The following FSTL5 variants were observed in gnomAD, a reference collection of about 807,000 sequenced individuals.
The protein encoded by FSTL5 is follistatin-related protein 5.
In FSTL5, 62 loss-of-function variants were observed where a neutral mutation model predicts 89.1. The ratio of observed to expected loss-of-function variants is 0.70; its 90% CI spans 0.57 to 0.86. The LOEUF is 0.86. Among genes scored for constraint, FSTL5 ranks in the 40% least tolerant of loss-of-function variants. The probability of loss-of-function intolerance (pLI) is 0.00; values close to 1 mark genes in which losing one functional copy is unlikely to be tolerated. For synonymous variants in FSTL5, 383 were observed against 346.2 expected (o/e 1.11, Z -1.18); for missense variants, 1,057 against 1,001.6 (o/e 1.06, Z -0.75).
intron 6 of FSTL5, among the ~76,000 whole-genome samples, chr4:161,687,211 G>A (rs1737777298): frequency 6.6e-6 from 1 of 152,050 alleles, no homozygotes; most frequent in Non-Finnish European, 1.5e-5. Context: ...ATTTATTTAT[G>A]TGCCCTAAAT....
chr4:161,400,658 T>TA (rs1323382037), intron 15 of FSTL5, among the ~76,000 whole-genome samples: 1 of 152,118 alleles, frequency 6.6e-6, no homozygotes, highest in African/African-American at 2.4e-5. Flanking sequence ...AGGGCATAGT[T>TA]ACTAAATATT....
chr4:162,102,746 C>CAT (rs1224462757), intron 2 of FSTL5, among the ~76,000 whole-genome samples: 1 of 143,646 alleles, frequency 7.0e-6, no homozygotes, highest in Admixed American at 7.1e-5. Context: ...CATATATACA[C>CAT]ATATATAAAT....
At chr4:161,783,488 T>C (rs1262795198) in intron 4 of FSTL5, among the ~76,000 whole-genome samples, 1 of 151,806 alleles carries the variant, frequency 6.6e-6, no homozygotes, top group Non-Finnish European at 1.5e-5. Context: ...ATGTCTTCTT[T>C]CTTTCTTTCT....
chr4:161,892,776 T>C (rs1015541679), intron 4 of FSTL5, among the ~76,000 whole-genome samples: 3 of 152,102 alleles, frequency 2.0e-5, no homozygotes, highest in African/African-American at 4.8e-5. Flanking sequence ...TTTAAAAATA[T>C]AGCAAGTGAA....
chr4:161,990,021 G>A (rs1472402846), intron 3 of FSTL5, among the ~76,000 whole-genome samples: 1 of 152,006 alleles, frequency 6.6e-6, no homozygotes, highest in Non-Finnish European at 1.5e-5. Context: ...TTTTTGACTT[G>A]TGTTAAATAA....
intron 13 of FSTL5, among the ~76,000 whole-genome samples, chr4:161,470,181 C>T (rs544368994): frequency 1.3e-5 from 2 of 152,110 alleles, no homozygotes; most frequent in Admixed American, 1.3e-4. Flanking sequence ...TTGCCAAATC[C>T]AATAGCATAA....
At chr4:162,028,021 T>G (rs7670544) in intron 3 of FSTL5, among the ~76,000 whole-genome samples, 42,586 of 152,042 alleles carry the variant, frequency 0.28, 5,991 homozygotes, top group Admixed American at 0.31. Context: ...TTTTTAAGAA[T>G]TATTATTACA....
intron 6 of FSTL5, among the ~76,000 whole-genome samples, chr4:161,713,438 T>C (rs1738865620): frequency 6.6e-6 from 1 of 152,198 alleles, no homozygotes. Context: ...TGTGTTTTCC[T>C]ACTGTGTGAC....
intron 3 of FSTL5, among the ~76,000 whole-genome samples, chr4:161,958,468 T>A (rs918367547): frequency 5.9e-5 from 9 of 152,132 alleles, no homozygotes; most frequent in African/African-American, 2.2e-4. Flanking sequence ...ATTGAGGGCA[T>A]TTTCTGGAAT....
intron 1 of FSTL5, among the ~76,000 whole-genome samples, chr4:162,156,271 G>A (rs1733467682): frequency 6.6e-6 from 1 of 152,122 alleles, no homozygotes; most frequent in Non-Finnish European, 1.5e-5. Context: ...CAGAGAAAAG[G>A]CAAATCTTAT....
chr4:161,557,607 A>G (rs955510107), intron 8 of FSTL5, among the ~76,000 whole-genome samples: 6 of 151,708 alleles, frequency 4.0e-5, no homozygotes, highest in Non-Finnish European at 8.9e-5. Flanking sequence ...TAATCTAAAG[A>G]AATTAAAGCA....
At chr4:161,629,120 G>A (rs1217961595) in intron 7 of FSTL5, among the ~76,000 whole-genome samples, 1 of 152,100 alleles carries the variant, frequency 6.6e-6, no homozygotes, top group Non-Finnish European at 1.5e-5. Flanking sequence ...TGATTTTCAT[G>A]GTACACACAG....
intron 6 of FSTL5, among the ~76,000 whole-genome samples, chr4:161,727,736 A>G (rs751167307): frequency 3.9e-4 from 60 of 152,174 alleles, no homozygotes; most frequent in Non-Finnish European, 8.1e-4. Flanking sequence ...TCTGAATGAA[A>G]TGCCTCTATT....
intron 4 of FSTL5, among the ~76,000 whole-genome samples, chr4:161,907,701 A>ACTTAGTAAGGT (rs1733575373): frequency 6.6e-6 from 1 of 152,078 alleles, no homozygotes; most frequent in African/African-American, 2.4e-5. Context: ...TTCAGAGTAA[A>ACTTAGTAAGGT]CTTAGTAAGG....
At chr4:161,923,724 C>A (rs2045158598) in intron 3 of FSTL5, among the ~76,000 whole-genome samples, 1 of 151,536 alleles carries the variant, frequency 6.6e-6, no homozygotes, top group Admixed American at 6.6e-5. Flanking sequence ...TCTCCTATAA[C>A]ATGTCATATC....
rs901002203 is a variant in FSTL5, at chr4:161,790,154, A to G, written c.410-14080T>C. 3.9e-5 allele frequency among the ~76,000 whole-genome samples: 6 copies of G among 152,354 alleles called. No individual in the cohort carries two copies. In the East Asian group the frequency reaches 1.2e-3, roughly 29 times the overall value. ...CTTACAAGGCCATAGAGTAAACAAA[A>G]ATATCAGGATCTGGCTTCTGTTATT... On this transcript the variant is annotated intron_variant, in intron 4 of 15. Coordinates refer to ENST00000306100, the MANE Select transcript of FSTL5 (RefSeq NM_020116.5).
At chr4:161,905,004 T>C (rs1270835971) in intron 4 of FSTL5, among the ~76,000 whole-genome samples, 1 of 152,024 alleles carries the variant, frequency 6.6e-6, no homozygotes, top group African/African-American at 2.4e-5. Flanking sequence ...CCACCTATCA[T>C]ATAAAAGGGC....
rs1737950928 is a variant in FSTL5 at position 161,691,741 on chromosome 4, A to G, written c.728-35247T>C. Among the ~76,000 whole-genome samples, 3 of 152,082 alleles carry G rather than the reference A, an allele frequency of 2.0e-5. No individual in the cohort carries two copies. In the South Asian group the frequency reaches 6.2e-4, roughly 31 times the overall value. On this transcript the variant is annotated intron_variant, in intron 6 of 15. Coordinates refer to ENST00000306100, the MANE Select transcript of FSTL5 (RefSeq NM_020116.5). ...GCATACAAGTCTTTTAGCTCCTTGTATAAAATTATTTCCTAGATATTTTAT... is the reference window on the plus strand; with the variant it reads ...GCATACAAGTCTTTTAGCTCCTTGTGTAAAATTATTTCCTAGATATTTTAT...
intron 5 of FSTL5, among the ~76,000 whole-genome samples, chr4:161,770,152 G>C (rs1441131067): frequency 1.3e-5 from 2 of 151,986 alleles, no homozygotes; most frequent in Admixed American, 6.6e-5. Flanking sequence ...ATTTGTGGGA[G>C]CTACAAATGG....
Sources: gnomAD v4.1 joint callset for allele counts (sites outside exome capture counted in the v4.1 genomes callset) on GRCh38, gnomAD v4.1.1 for gene constraint, MANE v1.5 for transcripts, NCBI Gene and HGNC (gene_info 2026-07-23, HGNC 2026-07-21) for gene names.